C6orf120: variants seen among roughly 807,000 people sequenced by gnomAD.
The protein encoded by C6orf120 is chromosome 6 open reading frame 120.
For missense variants in C6orf120, 311 were observed against 264.2 expected, an observed-to-expected ratio of 1.18 and a Z score of -1.23; for synonymous variants, 165 against 123.1, an observed-to-expected ratio of 1.34 and a Z score of -2.25.
chr6:169,702,179 C>G, upstream of C6orf120: 2 of 657,430 alleles, frequency 3.0e-6, no homozygotes, highest in Non-Finnish European at 5.6e-6. Context: ...AAAGCGCGGC[C>G]CCCTGCGGGG....
At chr6:169,703,998 C>T in exon 1 of C6orf120, 1 of 1,595,832 alleles carries the variant, frequency 6.3e-7, no homozygotes, top group Non-Finnish European at 8.5e-7. Flanking sequence ...GAGTCAAAAA[C>T]TATTTTATCC....
exon 1 of C6orf120, chr6:169,702,529 C>T (rs1788382282): frequency 3.7e-6 from 6 of 1,611,258 alleles, no homozygotes; most frequent in Non-Finnish European, 5.1e-6. Context: ...CTCGCAGGTC[C>T]TGTCTCCGGG....
chr6:169,705,628 A>G (rs772636304), downstream of C6orf120: 6 of 1,467,144 alleles, frequency 4.1e-6, no homozygotes. Flanking sequence ...CTATTCTCAC[A>G]TTGGGAGCAG....
chr6:169,705,068 C>A, downstream of C6orf120: 1 of 1,238,202 alleles, frequency 8.1e-7, no homozygotes, highest in Non-Finnish European at 1.1e-6. Flanking sequence ...GTTTATGCAG[C>A]CTTTTGGAGT....
chr6:169,705,336 G>A (rs1468644851), downstream of C6orf120: 1 of 1,551,692 alleles, frequency 6.4e-7, no homozygotes, highest in Non-Finnish European at 8.8e-7. Flanking sequence ...ATCAAAACCA[G>A]TATTAGTGGT....
At position 169,702,690 on chromosome 6, in the gene C6orf120, T is replaced by A. The variant is rs781083045; in HGVS notation, c.231T>A (p.Asp77Glu). 14 of 1,613,466 alleles carry A rather than the reference T, an allele frequency of 8.7e-6. No individual in the cohort carries two copies. The South Asian group carries it at 9.9e-5, about 11-fold the overall frequency. Reference sequence around the variant, plus strand: ...TGCGCAGCCTCAAGGGAGATGCGGATCTGTACGTCTCCGCCAGCAGCCTGC... The same window carrying A: ...TGCGCAGCCTCAAGGGAGATGCGGAACTGTACGTCTCCGCCAGCAGCCTGC... The change falls in exon 1 of 1, where the codon GAT (aspartate) becomes GAA (glutamate). Residue 77 changes from aspartate (D) to glutamate (E), a missense_variant. By Grantham distance (45) the Asp-to-Glu change is conservative. Transcript: ENST00000332290.
At chr6:169,703,142 T>G in exon 1 of C6orf120, 1 of 1,202,358 alleles carries the variant, frequency 8.3e-7, no homozygotes, top group Non-Finnish European at 1.2e-6. Context: ...GTACCTTTAG[T>G]CAAGGGATGG....
chr6:169,705,767 T>C (rs1262801246), downstream of C6orf120: 5 of 939,310 alleles, frequency 5.3e-6, no homozygotes, highest in Non-Finnish European at 8.8e-6. Context: ...CCAGAAGAGC[T>C]TACTATGGGT....
At chr6:169,705,328 C>G (rs1408968108), downstream of C6orf120, 1 of 1,594,362 alleles carries the variant, frequency 6.3e-7, no homozygotes, top group Admixed American at 1.7e-5. Context: ...TGGCCTAAAT[C>G]AAAACCAGTA....
At chr6:169,702,525 G>A (rs1319277118) in exon 1 of C6orf120, 1 of 1,610,674 alleles carries the variant, frequency 6.2e-7, no homozygotes, top group Non-Finnish European at 8.5e-7. Context: ...TAGCCTCGCA[G>A]GTCCTGTCTC....
chr6:169,703,768 C>T, exon 1 of C6orf120: 1 of 507,384 alleles, frequency 2.0e-6, no homozygotes. Context: ...TCTTAAGTTA[C>T]TAAACATTTC....
exon 1 of C6orf120, chr6:169,703,862 G>A (rs1400016207): frequency 3.1e-6 from 2 of 643,292 alleles, no homozygotes; most frequent in Non-Finnish European, 2.6e-6. Context: ...TCGAGAGTAA[G>A]CGTAGCTTTT....
chr6:169,705,409 CAGAG>C, downstream of C6orf120: 1 of 892,464 alleles, frequency 1.1e-6, no homozygotes. Context: ...TTAGGACTTC[CAGAG>C]AATGGCTATA....
chr6:169,703,136 C>CTT, exon 1 of C6orf120: 2 of 1,268,452 alleles, frequency 1.6e-6, no homozygotes, highest in South Asian at 3.0e-5. Context: ...TTCTAGGTAC[C>CTT]TTTAGTCAAG....
Position 169,702,884 on chromosome 6 carries a change from A to AC in C6orf120, c.428dup (p.Phe144ValfsTer38). ...TACTACGACGGCACGGTCGAGCAGCACCCGTTCGGCGAGGCCGCCTACCCC... is the reference window on the plus strand; with the variant it reads ...TACTACGACGGCACGGTCGAGCAGCACCCCGTTCGGCGAGGCCGCCTACCCC... On this transcript the variant is annotated frameshift_variant, in exon 1 of 1. Transcript: ENST00000332290. LOFTEE classifies it low-confidence loss of function (END_TRUNC). 1 of 1,611,902 alleles carries AC rather than the reference A, an allele frequency of 6.2e-7. No homozygotes were observed.
exon 1 of C6orf120, chr6:169,702,927 C>A: frequency 6.2e-7 from 1 of 1,612,418 alleles, no homozygotes; most frequent in Non-Finnish European, 8.5e-7. Context: ...GCGCAGATGC[C>A]GGCCAGAAGC....
exon 1 of C6orf120, chr6:169,702,387 T>C: frequency 1.1e-6 from 1 of 930,722 alleles, no homozygotes. Context: ...GGGGACAGGC[T>C]CCGGTGCTGA....
At chr6:169,702,254 G>T in exon 1 of C6orf120, 1 of 692,238 alleles carries the variant, frequency 1.4e-6, no homozygotes, top group Non-Finnish European at 2.6e-6. Context: ...CCCTGAGTGG[G>T]CGCCGCGCTA....
exon 1 of C6orf120, chr6:169,704,069 A>G (rs2128328096): frequency 6.3e-7 from 1 of 1,583,008 alleles, no homozygotes; most frequent in Non-Finnish European, 8.5e-7. Flanking sequence ...CCCGCTGACA[A>G]CAGTCACAAA....
Sources: gnomAD v4.1 joint callset for allele counts on GRCh38, gnomAD v4.1.1 for gene constraint, MANE v1.5 for transcripts, NCBI Gene and HGNC (gene_info 2026-07-23, HGNC 2026-07-21) for gene names.